RCCD1: variants seen among roughly 807,000 people sequenced by gnomAD.
The protein encoded by RCCD1 is RCC1 domain containing 1.
Under a neutral mutation model 37.6 loss-of-function variants are expected in RCCD1, and 40 were observed. That is an observed-to-expected ratio of 1.06 (90% CI 0.83 to 1.39). The LOEUF (loss-of-function observed/expected upper bound fraction) is 1.39, where lower values mean the gene tolerates loss of function less well. RCCD1 is among the 40% of genes most tolerant of loss of function. RCCD1 has a pLI of 0.00. For synonymous variants in RCCD1, 263 were observed against 230.0 expected, an observed-to-expected ratio of 1.14 and a Z score of -1.30; for missense variants, 577 against 517.3, an observed-to-expected ratio of 1.12 and a Z score of -1.12.
intron 5 of RCCD1, 26 bp downstream of exon 5, chr15:90,960,024 C>T: frequency 1.3e-6 from 2 of 1,561,558 alleles, no homozygotes; most frequent in Non-Finnish European, 1.8e-6. Flanking sequence ...GCTCCCACAG[C>T]CGTCTCCCCA....
Position 90,961,012 on chromosome 15 carries a change from C to T in RCCD1, c.950-13C>T. Reference sequence around the variant, plus strand: ...ACCGTAGTGACAACTATCGATTGTCCTTTTGCTTTCAGGAACAGGGGAGCT... The same window carrying T: ...ACCGTAGTGACAACTATCGATTGTCTTTTTGCTTTCAGGAACAGGGGAGCT... On this transcript the variant is annotated splice_polypyrimidine_tract_variant and intron_variant, in intron 6 of 7. Coordinates refer to ENST00000394258, the MANE Select transcript of RCCD1 (RefSeq NM_001017919.2). The T allele has an allele frequency of 1.3e-6, 2 of 1,588,462 alleles. No individual in the cohort carries two copies. Among genetic ancestry groups the T allele is most frequent in the East Asian group, 2.3e-5 (1 of 43,718 alleles).
Position 90,957,509 on chromosome 15 carries a change from C to G in RCCD1, c.557+6C>G. On this transcript the variant is annotated splice_donor_region_variant and intron_variant, in intron 3 of 7. Transcript: ENST00000394258. Reference sequence around the variant, plus strand: ...TTCTCCTGGGGCGGGGGCAGGTGAGCGGAGGCGGGGGCAGGTGAGGGCTGC... The same window carrying G: ...TTCTCCTGGGGCGGGGGCAGGTGAGGGGAGGCGGGGGCAGGTGAGGGCTGC... 6.4e-7 allele frequency: 1 copy of G among 1,573,828 alleles called. No homozygotes were observed. Among genetic ancestry groups the G allele is most frequent in the Non-Finnish European group, 8.6e-7 (1 of 1,162,702 alleles).
rs767546137 is a variant in RCCD1 at position 90,960,465 on chromosome 15, A to G, written c.916A>G (p.Ser306Gly). The part of the protein sequence containing the change: ...LPMGSDAVKA[S>G]CGSRHTAVVT... ...CATGGGCTCAGATGCAGTCAAGGCCAGCTGTGGATCCCGGCACACAGCTGT... is the reference window on the plus strand; with the variant it reads ...CATGGGCTCAGATGCAGTCAAGGCCGGCTGTGGATCCCGGCACACAGCTGT... The change falls in exon 6 of 8, where the codon AGC becomes GGC. Residue 306 changes from serine to glycine, a missense_variant. Physicochemically the swap from Ser to Gly is moderately conservative, Grantham distance 56. Coordinates refer to ENST00000394258, the MANE Select transcript of RCCD1 (RefSeq NM_001017919.2). 5.0e-6 allele frequency: 8 copies of G among 1,612,254 alleles called. No homozygotes were observed. In the East Asian group the frequency reaches 1.1e-4, roughly 22 times the overall value.
At position 90,956,771 on chromosome 15, in the gene RCCD1, G is replaced by C. The variant is rs1357683433; in HGVS notation, c.37G>C (p.Gly13Arg). 1 of 1,334,738 alleles carries C rather than the reference G, an allele frequency of 7.5e-7. No homozygotes were observed. Among genetic ancestry groups the C allele is most frequent in the Admixed American group, 3.0e-5 (1 of 33,146 alleles). The allele number at this position is 1,334,738 out of a possible 1,614,324, so 82.7% of individuals were successfully genotyped here. The change falls in exon 2 of 8, where the codon GGT becomes CGT. Residue 13 changes from glycine to arginine, a missense_variant. Transcript: ENST00000394258. ...EERPGAWFGF[G>R]FCGFGQELGS... ...GCGGCCGGGGGCCTGGTTCGGCTTC[G>C]GTTTCTGCGGCTTCGGGCAGGAGCT...
rs1172892414 is a variant in RCCD1 at position 90,956,886 on chromosome 15, C to A, written c.152C>A (p.Thr51Asn). The change falls in exon 2 of 8, where the codon ACC (threonine) becomes AAC (asparagine). Residue 51 changes from threonine (T) to asparagine (N), a missense_variant. Coordinates refer to ENST00000394258, the MANE Select transcript of RCCD1 (RefSeq NM_001017919.2). ...CGCGTGAGCGCGAGCTGGAGCTACA[C>A]CGCTTTCGTGACCCGTGAGCACTCC... Reference protein sequence around the residue: ...ICRVSASWSYTAFVTRGGRLE... With the variant: ...ICRVSASWSYNAFVTRGGRLE... The A allele has an allele frequency of 3.9e-6, 5 of 1,289,484 alleles. No individual in the cohort carries two copies. The highest frequency in any genetic ancestry group is 4.9e-6 in the Non-Finnish European group (5 of 1,018,888). 79.9% of individuals were successfully genotyped at this position (1,289,484 alleles called of 1,614,324 possible).
intron 4 of RCCD1, among the ~76,000 whole-genome samples, chr15:90,958,471 T>C (rs1049978755): frequency 1.3e-5 from 2 of 150,600 alleles, no homozygotes; most frequent in African/African-American, 4.9e-5. Flanking sequence ...TAAAAAAAAA[T>C]ACAAAAATTA....
At chr15:90,961,154 GGCCT>G in intron 7 of RCCD1, 100 bp downstream of exon 7, 1 of 1,211,010 alleles carries the variant, frequency 8.3e-7, no homozygotes. Flanking sequence ...AGGAAGCAGG[GGCCT>G]CGGCCAGGTC....
intron 1 of RCCD1, 110 bp from the exon 2 acceptor site, chr15:90,956,502 G>C: frequency 5.1e-6 from 2 of 394,116 alleles, no homozygotes; most frequent in Non-Finnish European, 8.9e-6. Flanking sequence ...AAATATTTGA[G>C]CATCTTTGTA....
At chr15:90,957,755 C>T (rs1416381012) in intron 4 of RCCD1, 30 bp downstream of exon 4, 1 of 1,572,488 alleles carries the variant, frequency 6.4e-7, no homozygotes, top group East Asian at 2.3e-5. Context: ...TCCAGACGAG[C>T]TCATGATCTT....
Position 90,961,005 on chromosome 15 carries a change from G to A in RCCD1, c.950-20G>A, listed in dbSNP as rs773159441. The A allele has an allele frequency of 1.2e-5, 20 of 1,613,368 alleles. No individual in the cohort carries two copies. Among genetic ancestry groups the A allele is most frequent in the African/African-American group, 8.0e-5 (6 of 74,854 alleles). ...CCAAAGAACCGTAGTGACAACTATC[G>A]ATTGTCCTTTTGCTTTCAGGAACAG... On this transcript the variant is annotated intron_variant, in intron 6 of 7. Transcript: ENST00000394258.
chr15:90,961,239 CAG>C (rs950067886), intron 7 of RCCD1, 185 bp downstream of exon 7: 58 of 619,096 alleles, frequency 9.4e-5, no homozygotes, highest in Middle Eastern at 8.7e-4. Flanking sequence ...CGAGGCCAGA[CAG>C]GGGAGACATG....
At position 90,957,714 on chromosome 15, in the gene RCCD1, T is replaced by C; in HGVS notation, c.668T>C (p.Val223Ala). The change falls in exon 4 of 8, where the codon GTG becomes GCG. Residue 223 changes from valine to alanine, a missense_variant. Val to Ala is a moderately conservative substitution (Grantham distance 64, BLOSUM62 0). Transcript: ENST00000394258. The part of the protein sequence containing the change: ...AEVAAGGWHS[V>A]CVSETGDIYI... Reference sequence around the variant, plus strand: ...GTGGCCGCGGGGGGCTGGCATTCTGTGTGTGTGAGTGGTGAGTGACTTAGT... The same window carrying C: ...GTGGCCGCGGGGGGCTGGCATTCTGCGTGTGTGAGTGGTGAGTGACTTAGT... 1 of 1,609,362 alleles carries C rather than the reference T, an allele frequency of 6.2e-7. No homozygotes were observed. The highest frequency in any genetic ancestry group is 8.5e-7 in the Non-Finnish European group (1 of 1,177,416).
At chr15:90,957,571 C>G in intron 3 of RCCD1, 33 bp from the exon 4 acceptor site, 1 of 1,613,202 alleles carries the variant, frequency 6.2e-7, no homozygotes, top group Non-Finnish European at 8.5e-7. Flanking sequence ...CCCCTTAATG[C>G]GACTGTAGCT....
At chr15:90,958,965 AC>A (rs1423079372) in intron 4 of RCCD1, among the ~76,000 whole-genome samples, 88 of 135,686 alleles carry the variant, frequency 6.5e-4, no homozygotes, top group South Asian at 5.1e-3. Context: ...AAAAAAAAAA[AC>A]CCCAACCTTG....
At chr15:90,958,551 C>T (rs558728597) in intron 4 of RCCD1, among the ~76,000 whole-genome samples, 1 of 149,358 alleles carries the variant, frequency 6.7e-6, no homozygotes, top group Non-Finnish European at 1.5e-5. Flanking sequence ...TCGTTTGAAC[C>T]TGAGAAGCAG....
chr15:90,957,215 C>G lies in RCCD1; in HGVS notation c.269C>G (p.Pro90Arg). 2.1e-6 allele frequency: 3 copies of G among 1,413,774 alleles called. No individual in the cohort carries two copies. The highest frequency in any genetic ancestry group is 2.8e-6 in the Non-Finnish European group (3 of 1,086,858). The allele number at this position is 1,413,774 out of a possible 1,614,324, so 87.6% of individuals were successfully genotyped here. A position where few individuals can be genotyped will look rare whatever the true frequency, so the allele number is the denominator to read the frequency against. The stretch of plus-strand genomic sequence containing the variant: ...CTCCTCGCGGTGCTGCGCGCCGGGC[C>G]GGGGCCGGAGGCGTTACTGCAGGTC... ...EGLLAVLRAG[P>R]GPEALLQVWA... The change falls in exon 3 of 8, where the codon CCG becomes CGG. Residue 90 changes from proline (P) to arginine (R), a missense_variant. Transcript: ENST00000394258.
intron 1 of RCCD1, chr15:90,955,291 TCGCGCCG>T (rs1230276606): frequency 1.3e-5 from 2 of 152,174 alleles, no homozygotes; most frequent in African/African-American, 2.4e-5. Flanking sequence ...ATTGGCCGCC[TCGCGCCG>T]CGCGCCCTTC....
At chr15:90,960,765 A>G in intron 6 of RCCD1, 1 of 612,378 alleles carries the variant, frequency 1.6e-6, no homozygotes, top group East Asian at 2.8e-5. Flanking sequence ...GCCGCCTCTG[A>G]CAGCAGGGAC....
At chr15:90,961,472 A>G (rs561751078) in intron 7 of RCCD1, 146 bp from the exon 8 acceptor site, 8 of 920,882 alleles carry the variant, frequency 8.7e-6, no homozygotes, top group African/African-American at 3.4e-5. Flanking sequence ...GGGATCCCCA[A>G]GGTTGCCTGG....
Sources: allele counts gnomAD v4.1 joint callset (sites outside exome capture counted in the v4.1 genomes callset), GRCh38; gene constraint gnomAD v4.1.1; transcripts MANE v1.5; gene names NCBI Gene and HGNC (gene_info 2026-07-23, HGNC 2026-07-21).